Variants in TASOR2 observed in about 807,000 individuals in gnomAD.
TASOR2 encodes the protein transcription activation suppressor family member 2, also known as protein TASOR 2.
Under a neutral mutation model 199.5 loss-of-function variants are expected in TASOR2, and 84 were observed. The ratio of observed to expected loss-of-function variants is 0.42; its 90% CI spans 0.35 to 0.50. TASOR2 has a LOEUF of 0.50. TASOR2 is among the 20% of genes least tolerant of loss of function. The pLI, the probability that TASOR2 is intolerant of heterozygous loss-of-function variation, is 0.02. For synonymous variants in TASOR2, 1,103 were observed against 1,046.6 expected (o/e 1.05, Z -1.04); for missense variants, 2,796 against 2,835.9 (o/e 0.99, Z 0.32).
chr10:5,707,875 T>C (rs1049924248), intron 1 of TASOR2, among the ~76,000 whole-genome samples: 1 of 152,114 alleles, frequency 6.6e-6, no homozygotes, highest in African/African-American at 2.4e-5. Context: ...ATCCAATGTG[T>C]CTTTAACCAC....
In TASOR2 at chr10:5,740,862, A is replaced by G. The variant is rs1836316790; in HGVS notation, c.2327+365A>G. 6.6e-6 allele frequency among the ~76,000 whole-genome samples: 1 copy of G among 152,228 alleles called. No homozygotes were observed. Among genetic ancestry groups the G allele is most frequent in the South Asian group, 2.1e-4 (1 of 4,826 alleles). ...CTTTACAGACTGAATTCCAGAAGAAACATTTTAAAAATCACTGTAGCTTGG... is the reference window on the plus strand; with the variant it reads ...CTTTACAGACTGAATTCCAGAAGAAGCATTTTAAAAATCACTGTAGCTTGG... On this transcript the variant is annotated intron_variant, in intron 13 of 20. Coordinates refer to ENST00000328090, the Ensembl canonical transcript of TASOR2. The surrounding 1 kb of genome is among the most constrained non-coding windows in gnomAD (Gnocchi z 5.3).
intron 7 of TASOR2, 118 bp from the exon 9 acceptor site, chr10:5,724,312 A>C (rs754111881): frequency 2.3e-6 from 1 of 428,498 alleles, no homozygotes; most frequent in Non-Finnish European, 4.3e-6. Context: ...TAAATGATAA[A>C]GGTTTCTGAG....
intron 14 of TASOR2, 121 bp from the exon 16 acceptor site, chr10:5,746,058 A>G (rs1432102117): frequency 2.6e-6 from 3 of 1,147,382 alleles, no homozygotes; most frequent in East Asian, 2.7e-5. Flanking sequence ...TAGAAAATTC[A>G]GAAGAACATT....
rs528874288 is a variant in TASOR2, at chr10:5,762,427, A to C, written c.7175-105A>C. On this transcript the variant is annotated intron_variant, in intron 19 of 20. Coordinates refer to ENST00000328090, the Ensembl canonical transcript of TASOR2. ...AACACCTTTTCTCCCCCTACCCCTC[A>C]CACGAGGAAGTTCCACAGATTTTTT... 1.7e-4 allele frequency: 66 copies of C among 380,876 alleles called. No homozygotes were observed. In the South Asian group the frequency reaches 1.9e-3, roughly 11 times the overall value. The allele number at this position is 380,876 out of a possible 1,614,324, so 23.6% of individuals were successfully genotyped here.
In TASOR2 at chr10:5,690,347, A is replaced by G. The variant is rs1836286809; in HGVS notation, c.-288+5172A>G. Among the ~76,000 whole-genome samples, 2 of 152,206 alleles carry G rather than the reference A, an allele frequency of 1.3e-5. No homozygotes were observed. Among genetic ancestry groups the G allele is most frequent in the African/African-American group, 2.4e-5 (1 of 41,450 alleles). On this transcript the variant is annotated intron_variant, in intron 1 of 20. Coordinates refer to ENST00000328090, the Ensembl canonical transcript of TASOR2. This position sits in a 1 kb window ranked among gnomAD's most constrained non-coding sequence, Gnocchi z 4.8. ...TAAATCCCTTGCTAATATTTTGTAT[A>G]AAGATTCACTACCCTCCTTGGCATG...
At position 5,708,696 on chromosome 10, in the gene TASOR2, T is replaced by C. The variant is rs945913553; in HGVS notation, c.-287-4127T>C. On this transcript the variant is annotated intron_variant, in intron 1 of 20. Transcript: ENST00000328090. ...TCCTTCCTTCCTTTCCTTCCTTTCT[T>C]TCCTTTCCTCTCTTTCTCTCTTTCT... 5.8e-5 allele frequency among the ~76,000 whole-genome samples: 8 copies of C among 138,212 alleles called. No individual in the cohort carries two copies. The East Asian group carries it at 2.0e-3, about 34-fold the overall frequency. The allele number at this position is 138,212 out of a possible 152,430, so 90.7% of individuals were successfully genotyped here. A position where few individuals can be genotyped will look rare whatever the true frequency, so the allele number is the denominator to read the frequency against.
At position 5,751,335 on chromosome 10, in the gene TASOR2, C is replaced by A. The variant is rs1838005780; in HGVS notation, c.6606+1308C>A. ...CTATGATGATTGCCAAATAGTGATACTGAAATTCCACCAGATTCCTTCTGC... is the reference window on the plus strand; with the variant it reads ...CTATGATGATTGCCAAATAGTGATAATGAAATTCCACCAGATTCCTTCTGC... On this transcript the variant is annotated intron_variant, in intron 15 of 20. Transcript: ENST00000328090. The surrounding 1 kb of genome is among the most constrained non-coding windows in gnomAD (Gnocchi z 5.3). Among the ~76,000 whole-genome samples the A allele has an allele frequency of 6.6e-6, 1 of 152,176 alleles. No individual in the cohort carries two copies. Among genetic ancestry groups the A allele is most frequent in the Non-Finnish European group, 1.5e-5 (1 of 68,030 alleles).
Position 5,712,229 on chromosome 10 carries a change from T to C in TASOR2, c.-287-594T>C, listed in dbSNP as rs74865789. ...TTCAGTTCTAATTTATTTAGGTTATTTTCTTTACATCAGAGGTCTTTTAAA... is the reference window on the plus strand; with the variant it reads ...TTCAGTTCTAATTTATTTAGGTTATCTTCTTTACATCAGAGGTCTTTTAAA... On this transcript the variant is annotated intron_variant, in intron 1 of 20. Coordinates refer to ENST00000328090, the Ensembl canonical transcript of TASOR2. 1,557 of 420,102 alleles carry C rather than the reference T, an allele frequency of 3.7e-3. 16 individuals carry two copies. Among genetic ancestry groups the C allele is most frequent in the African/African-American group, 0.028 (1,377 of 48,844 alleles). 26.0% of individuals were successfully genotyped at this position (420,102 alleles called of 1,614,324 possible).
chr10:5,685,387 C>G lies in TASOR2; in HGVS notation c.-288+212C>G, dbSNP rs1375022303. Among the ~76,000 whole-genome samples the G allele has an allele frequency of 1.3e-5, 2 of 152,130 alleles. No individual in the cohort carries two copies. The highest frequency in any genetic ancestry group is 4.8e-5 in the African/African-American group (2 of 41,426). Reference sequence around the variant, plus strand: ...CTGCGCTACAACCTGTGGCCGCGCTCGGTGTCGCCGGCAGGGAGATCCTAA... The same window carrying G: ...CTGCGCTACAACCTGTGGCCGCGCTGGGTGTCGCCGGCAGGGAGATCCTAA... On this transcript the variant is annotated intron_variant, in intron 1 of 20. Transcript: ENST00000328090. The surrounding 1 kb of genome is among the most constrained non-coding windows in gnomAD (Gnocchi z 5.4).
At chr10:5,727,919 A>G (rs1244873124) in intron 10 of TASOR2, among the ~76,000 whole-genome samples, 1 of 152,224 alleles carries the variant, frequency 6.6e-6, no homozygotes, top group Non-Finnish European at 1.5e-5. Flanking sequence ...TATTTGCTAA[A>G]CAAATAAATA....
intron 13 of TASOR2, among the ~76,000 whole-genome samples, chr10:5,741,811 C>A (rs555682618): frequency 6.6e-6 from 1 of 152,158 alleles, no homozygotes. Context: ...GTAAAAGACA[C>A]GTGCTACCCA....
chr10:5,710,968 A>C lies in TASOR2; in HGVS notation c.-287-1855A>C, dbSNP rs1831833616. ...TGAGTAATGCAGCTAATAAAGCTTT[A>C]ATTTTAACTCTTATAACTGGTGTTT... On this transcript the variant is annotated intron_variant, in intron 1 of 20. Transcript: ENST00000328090. The surrounding 1 kb of genome is among the most constrained non-coding windows in gnomAD (Gnocchi z 4.6). Among the ~76,000 whole-genome samples, 1 of 152,100 alleles carries C rather than the reference A, an allele frequency of 6.6e-6. No individual in the cohort carries two copies. The highest frequency in any genetic ancestry group is 1.5e-5 in the Non-Finnish European group (1 of 67,944).
Position 5,729,531 on chromosome 10 carries a change from G to C in TASOR2, c.488-956G>C, listed in dbSNP as rs149402004. 2.6e-5 allele frequency among the ~76,000 whole-genome samples: 4 copies of C among 152,246 alleles called. No homozygotes were observed. In the East Asian group the frequency reaches 5.8e-4, roughly 22 times the overall value. On this transcript the variant is annotated intron_variant, in intron 10 of 20. Transcript: ENST00000328090. ...GCCTGAGCAACATGACAAATCCCAT[G>C]TCTACAAAAAATACAAAAATTTTTA...
At chr10:5,708,977 C>T (rs1042967934) in intron 1 of TASOR2, among the ~76,000 whole-genome samples, 10 of 152,132 alleles carry the variant, frequency 6.6e-5, no homozygotes, top group Admixed American at 1.3e-4. Flanking sequence ...GCTGGGATTA[C>T]AGGCATGAGC....
chr10:5,727,201 A>T, intron 10 of TASOR2, 78 bp downstream of exon 11: 3 of 1,448,994 alleles, frequency 2.1e-6, no homozygotes, highest in Non-Finnish European at 2.9e-6. Context: ...TCTCAGCAGC[A>T]CGTGACACTG....
chr10:5,724,922 A>C (rs1314013067), intron 8 of TASOR2, among the ~76,000 whole-genome samples: 1 of 152,106 alleles, frequency 6.6e-6, no homozygotes, highest in Non-Finnish European at 1.5e-5. Context: ...AAAATGGAAT[A>C]GTTACAACAA....
chr10:5,744,779 CCACCACT>C (rs2131622044), intron 14 of TASOR2, among the ~76,000 whole-genome samples: 1 of 152,242 alleles, frequency 6.6e-6, no homozygotes, highest in African/African-American at 2.4e-5. Flanking sequence ...CAGGTGCATG[CCACCACT>C]CCTGGGTAAT....
At position 5,685,075 on chromosome 10, in the gene TASOR2, G is replaced by T. The variant is rs952786578; in HGVS notation, c.-388G>T. ...GGTGCTTCCCACGTGCGCCGGTGTC[G>T]CGAGGGCCCGGGAGGACGCAGAGCA... On this transcript the variant is annotated 5_prime_UTR_variant, in exon 1 of 21. Transcript: ENST00000328090. The surrounding 1 kb of genome is among the most constrained non-coding windows in gnomAD (Gnocchi z 5.4). 4 of 398,028 alleles carry T rather than the reference G, an allele frequency of 1.0e-5. No homozygotes were observed. The highest frequency in any genetic ancestry group is 8.2e-5 in the African/African-American group (4 of 48,610). The allele number at this position is 398,028 out of a possible 1,614,324, so 24.7% of individuals were successfully genotyped here.
rs1052744469 is a variant in TASOR2 at position 5,751,170 on chromosome 10, G to T, written c.6606+1143G>T. On this transcript the variant is annotated intron_variant, in intron 15 of 20. Coordinates refer to ENST00000328090, the Ensembl canonical transcript of TASOR2. This position sits in a 1 kb window ranked among gnomAD's most constrained non-coding sequence, Gnocchi z 5.3. ...CACTTGGTTAAGATGATTTCTGCCA[G>T]GTTTCTCCAGTGTAAAGTTATGTTG... Among the ~76,000 whole-genome samples, 1 of 152,186 alleles carries T rather than the reference G, an allele frequency of 6.6e-6. No individual in the cohort carries two copies. The highest frequency in any genetic ancestry group is 6.5e-5 in the Admixed American group (1 of 15,278).
Sources: allele counts gnomAD v4.1 joint callset (sites outside exome capture counted in the v4.1 genomes callset), GRCh38; gene constraint gnomAD v4.1.1; non-coding constraint Gnocchi (gnomAD v3.1); transcripts MANE v1.5; gene names NCBI Gene and HGNC (gene_info 2026-07-23, HGNC 2026-07-21).